SFMBT2: variants seen among roughly 807,000 people sequenced by gnomAD.
SFMBT2 encodes scm-like with four MBT domains protein 2.
Under a neutral mutation model 110.1 loss-of-function variants are expected in SFMBT2, and 38 were observed. That is an observed-to-expected ratio of 0.35 (90% CI 0.27 to 0.45). SFMBT2 has a LOEUF of 0.45. Ranked by LOEUF, SFMBT2 falls within the 20% of genes least tolerant of loss-of-function variation. The pLI, the probability that SFMBT2 is intolerant of heterozygous loss-of-function variation, is 1.00. For synonymous variants in SFMBT2, 425 were observed against 425.4 expected, an observed-to-expected ratio of 1.00 and a Z score of 0.01; for missense variants, 1,011 against 1,094.9, an observed-to-expected ratio of 0.92 and a Z score of 1.08.
chr10:7,225,814 C>T (rs986353041), intron 10 of SFMBT2, among the ~76,000 whole-genome samples: 1 of 152,174 alleles, frequency 6.6e-6, no homozygotes, highest in African/African-American at 2.4e-5. Flanking sequence ...AGGAATATTT[C>T]TCTTTGTACC....
chr10:7,367,749 C>T lies in SFMBT2; in HGVS notation c.336G>A (p.Gly112=), dbSNP rs756862555. ...ACCAGAAGTCGGCCCTGCGGTCCTC[C>T]CCGTAACCGCAGTAGCGCAGAAGCA... ...QLLLLRYCGY[G]EDRRADFWCD... Residue 112 remains glycine (G), a synonymous_variant, in exon 4 of 21, where the codon GGG becomes GGA. Transcript: ENST00000397167. This position sits in a 1 kb window ranked among gnomAD's most constrained non-coding sequence, Gnocchi z 6.2. The T allele has an allele frequency of 1.2e-5, 19 of 1,614,116 alleles. No individual in the cohort carries two copies. The highest frequency in any genetic ancestry group is 6.7e-5 in the Admixed American group (4 of 60,022).
At chr10:7,318,515 C>A (rs558572110) in intron 4 of SFMBT2, among the ~76,000 whole-genome samples, 17 of 152,310 alleles carry the variant, frequency 1.1e-4, no homozygotes, top group African/African-American at 4.1e-4. Flanking sequence ...TGGGCTCAAT[C>A]AAGAATCTTA....
chr10:7,397,168 C>T lies in SFMBT2; in HGVS notation c.-52+13693G>A, dbSNP rs553289879. Among the ~76,000 whole-genome samples the T allele has an allele frequency of 6.6e-5, 10 of 152,306 alleles. No homozygotes were observed. In the South Asian group the frequency reaches 2.1e-3, roughly 32 times the overall value. ...AGCTACATAAGCATTAGAAATCATTCTCATCTCCATTCATCAGGTCCCCCC... is the reference window on the plus strand; with the variant it reads ...AGCTACATAAGCATTAGAAATCATTTTCATCTCCATTCATCAGGTCCCCCC... On this transcript the variant is annotated intron_variant, in intron 1 of 20. Transcript: ENST00000397167.
intron 8 of SFMBT2, 31 bp downstream of exon 8, chr10:7,248,517 C>A (rs1400577309): frequency 6.3e-7 from 1 of 1,574,978 alleles, no homozygotes; most frequent in Non-Finnish European, 8.7e-7. Flanking sequence ...ACTCTAGGGG[C>A]TGGGTCGAAG....
At position 7,359,062 on chromosome 10, in the gene SFMBT2, G is replaced by A. The variant is rs1205710083; in HGVS notation, c.436+8587C>T. 3.9e-5 allele frequency among the ~76,000 whole-genome samples: 6 copies of A among 152,234 alleles called. No homozygotes were observed. In the East Asian group the frequency reaches 1.2e-3, roughly 29 times the overall value. On this transcript the variant is annotated intron_variant, in intron 4 of 20. Transcript: ENST00000397167. ...AGGACGGTCAGTGGCACGAAGAAGA[G>A]TGAACAGGTGGAGGTGGAGGGGGAA...
At chr10:7,219,292 T>C (rs1234511945) in intron 11 of SFMBT2, among the ~76,000 whole-genome samples, 15 of 152,224 alleles carry the variant, frequency 9.9e-5, no homozygotes, top group Non-Finnish European at 2.1e-4. Context: ...GCCATTCTAC[T>C]TGAAAACCTA....
chr10:7,285,900 C>T lies in SFMBT2; in HGVS notation c.491G>A (p.Gly164Asp), dbSNP rs777772252. Residue 164 changes from glycine (G) to aspartate (D), a missense_variant, in exon 5 of 21, where the codon GGT (glycine) becomes GAT (aspartate). This residue lies in a region of SFMBT2 where 979 missense variants were observed against 1,016.1 expected (regional missense o/e 0.96). Transcript: ENST00000397167. ...GAGGTTGGCGGGTGCTGTCCTCGAACCAGTCAAGTCACGTATGAGAAATTC... is the reference window on the plus strand; with the variant it reads ...GAGGTTGGCGGGTGCTGTCCTCGAATCAGTCAAGTCACGTATGAGAAATTC... ...WTEFLIRDLT[G>D]SRTAPANLLE... 2 of 872,606 alleles carry T rather than the reference C, an allele frequency of 2.3e-6. No individual in the cohort carries two copies. Among genetic ancestry groups the T allele is most frequent in the South Asian group, 1.3e-5 (1 of 76,520 alleles). The allele number at this position is 872,606 out of a possible 1,614,324, so 54.1% of individuals were successfully genotyped here.
chr10:7,260,734 G>C (rs1841167124), intron 7 of SFMBT2, among the ~76,000 whole-genome samples: 1 of 151,944 alleles, frequency 6.6e-6, no homozygotes, highest in African/African-American at 2.4e-5. Context: ...GCAAGGGGCA[G>C]GGGCAGTTGT....
intron 4 of SFMBT2, among the ~76,000 whole-genome samples, chr10:7,360,996 T>C (rs1391605277): frequency 6.6e-6 from 1 of 152,224 alleles, no homozygotes; most frequent in Non-Finnish European, 1.5e-5. Context: ...CATTTTTTAA[T>C]AAAATATCTA....
intron 4 of SFMBT2, among the ~76,000 whole-genome samples, chr10:7,323,813 GT>G (rs1215454644): frequency 6.6e-6 from 1 of 152,072 alleles, no homozygotes; most frequent in African/African-American, 2.4e-5. Flanking sequence ...GCTTAAAAAG[GT>G]TTCTTTTTAA....
At chr10:7,173,063 C>T (rs1000346248) in intron 17 of SFMBT2, among the ~76,000 whole-genome samples, 1 of 152,150 alleles carries the variant, frequency 6.6e-6, no homozygotes, top group Non-Finnish European at 1.5e-5. Context: ...TGCCTGAGGC[C>T]CAGGAAGGAT....
In SFMBT2 at chr10:7,207,354, T is replaced by C. The variant is rs1196272021; in HGVS notation, c.1331-1426A>G. Among the ~76,000 whole-genome samples, 5 of 133,186 alleles carry C rather than the reference T, an allele frequency of 3.8e-5. No homozygotes were observed. The East Asian group carries it at 8.5e-4, about 23-fold the overall frequency. 87.4% of individuals were successfully genotyped at this position (133,186 alleles called of 152,430 possible). On this transcript the variant is annotated intron_variant, in intron 11 of 20. Transcript: ENST00000397167. Reference sequence around the variant, plus strand: ...TGGCCTAAGTGACAGAGCAAGACACTGTCAAGAAAGGAAGAAAGGAAGGAA... The same window carrying C: ...TGGCCTAAGTGACAGAGCAAGACACCGTCAAGAAAGGAAGAAAGGAAGGAA...
intron 4 of SFMBT2, among the ~76,000 whole-genome samples, chr10:7,363,054 A>T (rs1300594615): frequency 6.6e-6 from 1 of 152,180 alleles, no homozygotes; most frequent in Non-Finnish European, 1.5e-5. Flanking sequence ...CCCCCTTGAT[A>T]TGGTTTGGCA....
intron 11 of SFMBT2, among the ~76,000 whole-genome samples, chr10:7,209,812 T>C (rs921086581): frequency 1.3e-5 from 2 of 152,230 alleles, no homozygotes; most frequent in Non-Finnish European, 2.9e-5. Context: ...GATAAACCTT[T>C]ATGACTTTTT....
chr10:7,228,282 A>G (rs1588360990), intron 9 of SFMBT2: 1 of 430,222 alleles, frequency 2.3e-6, no homozygotes, highest in Non-Finnish European at 3.1e-6. Context: ...GAGATAGACA[A>G]TGACATCTCC....
rs1394379087 is a variant in SFMBT2 at position 7,408,031 on chromosome 10, T to C, written c.-52+2830A>G. Among the ~76,000 whole-genome samples, 1 of 152,258 alleles carries C rather than the reference T, an allele frequency of 6.6e-6. No individual in the cohort carries two copies. Among genetic ancestry groups the C allele is most frequent in the African/African-American group, 2.4e-5 (1 of 41,462 alleles). On this transcript the variant is annotated intron_variant, in intron 1 of 20. Coordinates refer to ENST00000397167, the MANE Select transcript of SFMBT2 (RefSeq NM_001387889.1). The surrounding 1 kb of genome is among the most constrained non-coding windows in gnomAD (Gnocchi z 5.7). ...TTCGAGAACCCTGTGGAATGTTCTT[T>C]GTAATCAACTGTACATCCGCTTCCA...
intron 4 of SFMBT2, chr10:7,348,358 T>C: frequency 6.6e-7 from 1 of 1,511,524 alleles, no homozygotes. Flanking sequence ...TCACAGATGG[T>C]TTTAATGGCT....
intron 2 of SFMBT2, among the ~76,000 whole-genome samples, chr10:7,377,080 G>T (rs866259361): frequency 6.7e-6 from 1 of 149,398 alleles, no homozygotes; most frequent in African/African-American, 2.5e-5. Context: ...GAGGCAGGAG[G>T]ATCACTTGAA....
chr10:7,172,379 T>A lies in SFMBT2; in HGVS notation c.2151+116A>T, dbSNP rs1837906827. 1 of 1,550,686 alleles carries A rather than the reference T, an allele frequency of 6.4e-7. No individual in the cohort carries two copies. The highest frequency in any genetic ancestry group is 8.7e-7 in the Non-Finnish European group (1 of 1,151,226). ...AGGAGGAGGGGGCTCTTCTTCAGTG[T>A]TTCTGACCATCTTGCCACAATCTCC... On this transcript the variant is annotated intron_variant, in intron 18 of 20. Transcript: ENST00000397167. The surrounding 1 kb of genome is among the most constrained non-coding windows in gnomAD (Gnocchi z 4.6).
Sources: allele counts gnomAD v4.1 joint callset (sites outside exome capture counted in the v4.1 genomes callset), GRCh38; gene constraint gnomAD v4.1.1; regional missense constraint gnomAD v4.1.1; non-coding constraint Gnocchi (gnomAD v3.1); transcripts MANE v1.5; gene names NCBI Gene and HGNC (gene_info 2026-07-23, HGNC 2026-07-21).